The following CEP63 variants were observed in gnomAD, a reference collection of about 807,000 sequenced individuals.
CEP63 encodes centrosomal protein 63.
In CEP63, 84 loss-of-function variants were observed where a neutral mutation model predicts 89.1. The observed-to-expected ratio is 0.94, with a 90% confidence interval of 0.79 to 1.13. The LOEUF is 1.13. Among genes scored for constraint, CEP63 ranks in the 50% most tolerant of loss-of-function variants. The probability of loss-of-function intolerance (pLI) is 0.00; values close to 1 mark genes in which losing one functional copy is unlikely to be tolerated. For synonymous variants in CEP63, 267 were observed against 272.5 expected (o/e 0.98, Z 0.20); for missense variants, 838 against 813.3 (o/e 1.03, Z -0.37).
the CEP63 span, chr3:134,603,681 G>T: frequency 6.2e-6 from 10 of 1,613,776 alleles, no homozygotes; most frequent in African/African-American, 1.3e-4. Context: ...CTGTGCTGCA[G>T]CTTCCCTCCC....
the CEP63 span, chr3:134,620,720 A>C: frequency 6.5e-7 from 1 of 1,526,990 alleles, no homozygotes; most frequent in Non-Finnish European, 9.1e-7. Context: ...AAGGGATTCT[A>C]GAGCCAGAAA....
the CEP63 span, among the ~76,000 whole-genome samples, chr3:134,622,841 T>A: frequency 1.3e-5 from 2 of 152,200 alleles, no homozygotes; most frequent in Non-Finnish European, 2.9e-5. Context: ...TCCCCTCAGC[T>A]CCCAGCTTGA....
intron 3 of CEP63, among the ~76,000 whole-genome samples, chr3:134,518,622 G>A (rs189621227): frequency 1.3e-5 from 2 of 152,224 alleles, no homozygotes; most frequent in Admixed American, 1.3e-4. Context: ...CAAAACTTGT[G>A]GAATGCAGCT....
At chr3:134,730,196 A>G in the CEP63 span, among the ~76,000 whole-genome samples, 2 of 152,220 alleles carry the variant, frequency 1.3e-5, no homozygotes, top group Non-Finnish European at 2.9e-5. Context: ...ATTTTTAAGT[A>G]TATCCCATAT....
rs758430519 is a variant in CEP63, at chr3:134,559,357, A to G, written c.1881A>G (p.Leu627=). The part of the protein sequence containing the change: ...LCKTHSLPSA[L]DTNEANFSDT... Reference sequence around the variant, plus strand: ...AAACTCATTCTTTGCCTTCAGCGCTAGATACAAATGAAGCCAATTTTTCTG... The same window carrying G: ...AAACTCATTCTTTGCCTTCAGCGCTGGATACAAATGAAGCCAATTTTTCTG... The change falls in exon 14 of 15, where the codon CTA becomes CTG. Residue 627 remains leucine, a synonymous_variant. Transcript: ENST00000675561. The G allele has an allele frequency of 1.2e-5, 19 of 1,613,960 alleles. No individual in the cohort carries two copies. The South Asian group carries it at 2.1e-4, about 18-fold the overall frequency.
At chr3:134,528,339 TC>T (rs1354537637) in intron 3 of CEP63, among the ~76,000 whole-genome samples, 1 of 152,292 alleles carries the variant, frequency 6.6e-6, no homozygotes, top group African/African-American at 2.4e-5. Flanking sequence ...CATCTTGCCC[TC>T]CCCCTGGTTT....
At chr3:134,565,318 ACT>A (rs372392496), downstream of CEP63, among the ~76,000 whole-genome samples, 61 of 151,856 alleles carry the variant, frequency 4.0e-4, no homozygotes, top group African/African-American at 1.4e-3. Flanking sequence ...ATACTACAAC[ACT>A]CTGTTTCTGT....
the CEP63 span, among the ~76,000 whole-genome samples, chr3:134,679,439 A>C: frequency 6.6e-6 from 1 of 152,220 alleles, no homozygotes; most frequent in African/African-American, 2.4e-5. Context: ...TGGGTGGCAG[A>C]AGCAGTCCTT....
chr3:134,612,091 CG>C, the CEP63 span, among the ~76,000 whole-genome samples: 8 of 152,102 alleles, frequency 5.3e-5, no homozygotes, highest in Admixed American at 2.6e-4. Flanking sequence ...GTGGAAAGTC[CG>C]GGCCACTAGT....
the CEP63 span, among the ~76,000 whole-genome samples, chr3:134,680,764 A>G: frequency 6.6e-6 from 1 of 152,242 alleles, no homozygotes; most frequent in Non-Finnish European, 1.5e-5. Context: ...CTCGAAAAGA[A>G]GAGAGCTCAA....
At chr3:134,599,822 T>G in the CEP63 span, among the ~76,000 whole-genome samples, 7 of 152,236 alleles carry the variant, frequency 4.6e-5, no homozygotes, top group Non-Finnish European at 1.0e-4. Context: ...GGACATTGAT[T>G]TTTTTCTAGG....
At chr3:134,513,045 C>A (rs1481628613) in intron 3 of CEP63, among the ~76,000 whole-genome samples, 1 of 152,060 alleles carries the variant, frequency 6.6e-6, no homozygotes, top group Non-Finnish European at 1.5e-5. Flanking sequence ...TTAATCTGTC[C>A]ATTTTCTTTT....
the CEP63 span, among the ~76,000 whole-genome samples, chr3:134,697,735 T>A: frequency 2.5e-4 from 38 of 152,342 alleles, 1 homozygote; most frequent in South Asian, 7.9e-3. Context: ...CCCACGTTCG[T>A]GTCAACTGTG....
At chr3:134,684,155 T>C in the CEP63 span, among the ~76,000 whole-genome samples, 1 of 152,206 alleles carries the variant, frequency 6.6e-6, no homozygotes, top group Non-Finnish European at 1.5e-5. Context: ...TAGTGTTGAC[T>C]GAGGCTGTGA....
chr3:134,617,281 A>G, the CEP63 span, among the ~76,000 whole-genome samples: 1 of 152,188 alleles, frequency 6.6e-6, no homozygotes, highest in African/African-American at 2.4e-5. Context: ...GCTAGGCACA[A>G]ATGGAGCTAA....
At chr3:134,619,209 T>A in the CEP63 span, 4 of 1,613,952 alleles carry the variant, frequency 2.5e-6, no homozygotes. Flanking sequence ...GTCCGCAGGA[T>A]GTCAGTGGGT....
At chr3:134,653,266 T>G in the CEP63 span, among the ~76,000 whole-genome samples, 2 of 152,216 alleles carry the variant, frequency 1.3e-5, no homozygotes, top group Admixed American at 1.3e-4. Flanking sequence ...CCAATCACAT[T>G]CACTTCCCTA....
At chr3:134,628,537 T>G in the CEP63 span, among the ~76,000 whole-genome samples, 16 of 152,188 alleles carry the variant, frequency 1.1e-4, no homozygotes, top group Admixed American at 1.0e-3. Context: ...CAACCACACA[T>G]GGGTTATTCT....
the CEP63 span, among the ~76,000 whole-genome samples, chr3:134,696,838 A>T: frequency 5.3e-5 from 8 of 152,204 alleles, no homozygotes; most frequent in East Asian, 1.5e-3. Context: ...GACATACTTT[A>T]TGTGTCCACT....
Sources: allele counts gnomAD v4.1 joint callset (sites outside exome capture counted in the v4.1 genomes callset), GRCh38; gene constraint gnomAD v4.1.1; transcripts MANE v1.5; gene names NCBI Gene and HGNC (gene_info 2026-07-23, HGNC 2026-07-21).